CNOT6L: variants seen among roughly 807,000 people sequenced by gnomAD.
The protein encoded by CNOT6L is CCR4-NOT transcription complex subunit 6-like.
CNOT6L carries 7 observed loss-of-function variants against 64.0 expected under a neutral mutation model. The ratio of observed to expected loss-of-function variants is 0.11; its 90% CI spans 0.06 to 0.21. The LOEUF (loss-of-function observed/expected upper bound fraction) is 0.21, where lower values mean the gene tolerates loss of function less well. CNOT6L is among the 10% of genes least tolerant of loss of function. The pLI is 1.00. For synonymous variants in CNOT6L, 193 were observed against 243.4 expected (o/e 0.79, Z 1.93); for missense variants, 245 against 669.0 (o/e 0.37, Z 6.99).
chr4:77,724,300 T>C lies in CNOT6L; in HGVS notation c.1455+1867A>G, dbSNP rs932237706. ...AGGAGGGTGAAGCTGCAGTGAGTCA[T>C]GATTGTGCCACTCTAGGTGACAGAG... On this transcript the variant is annotated intron_variant, in intron 11 of 11. Transcript: ENST00000504123. 2.0e-5 allele frequency among the ~76,000 whole-genome samples: 3 copies of C among 149,490 alleles called. No individual in the cohort carries two copies. The East Asian group carries it at 5.9e-4, about 30-fold the overall frequency.
At chr4:77,741,956 T>C (rs1160211888) in intron 8 of CNOT6L, among the ~76,000 whole-genome samples, 185 bp downstream of exon 8, 1 of 152,174 alleles carries the variant, frequency 6.6e-6, no homozygotes, top group African/African-American at 2.4e-5. Flanking sequence ...TAAGGAATAA[T>C]ACAATAAATA....
At chr4:77,788,591 G>C (rs1202602181) in intron 1 of CNOT6L, among the ~76,000 whole-genome samples, 1 of 152,086 alleles carries the variant, frequency 6.6e-6, no homozygotes, top group African/African-American at 2.4e-5. Flanking sequence ...AGCCGGACGT[G>C]GTGGCATGTG....
chr4:77,797,089 G>A (rs1730930343), intron 1 of CNOT6L, among the ~76,000 whole-genome samples: 2 of 84,308 alleles, frequency 2.4e-5, no homozygotes, highest in Non-Finnish European at 4.2e-5. Context: ...CCTGACAGAG[G>A]AAGACCTTGT....
intron 4 of CNOT6L, among the ~76,000 whole-genome samples, chr4:77,764,894 G>A (rs1365243374): frequency 6.6e-6 from 1 of 152,158 alleles, no homozygotes; most frequent in Non-Finnish European, 1.5e-5. Context: ...TCTTATAAAA[G>A]GGAGCAGAGA....
chr4:77,798,481 A>G (rs1459717949), intron 1 of CNOT6L, among the ~76,000 whole-genome samples: 1 of 152,216 alleles, frequency 6.6e-6, no homozygotes, highest in Non-Finnish European at 1.5e-5. Context: ...TTCACCAAAG[A>G]AGATATATTG....
chr4:77,757,095 A>T (rs1299089763), intron 4 of CNOT6L, 144 bp from the exon 5 acceptor site: 2 of 447,420 alleles, frequency 4.5e-6, no homozygotes, highest in East Asian at 6.8e-5. Context: ...ATATACATTT[A>T]AAAATGTATG....
At position 77,715,866 on chromosome 4, in the gene CNOT6L, T is replaced by C. The variant is rs1004455340; in HGVS notation, c.*4565A>G. On this transcript the variant is annotated 3_prime_UTR_variant, in exon 12 of 12. Coordinates refer to ENST00000504123, the MANE Select transcript of CNOT6L (RefSeq NM_144571.3). ...GTTCTTAAACAGATTAGAACTTTGG[T>C]AAATAAGACAGATTAAAGATGTACT... is the stretch of plus-strand genomic sequence containing the variant. 4 of 152,562 alleles carry C rather than the reference T, an allele frequency of 2.6e-5. No homozygotes were observed. Among genetic ancestry groups the C allele is most frequent in the Non-Finnish European group, 4.4e-5 (3 of 67,998 alleles). The allele number at this position is 152,562 out of a possible 1,614,324, so 9.5% of individuals were successfully genotyped here.
At chr4:77,769,156 A>G (rs1342345919) in intron 4 of CNOT6L, among the ~76,000 whole-genome samples, 1 of 152,236 alleles carries the variant, frequency 6.6e-6, no homozygotes, top group Non-Finnish European at 1.5e-5. Flanking sequence ...CTGAATAAAA[A>G]CCAAGTCATA....
chr4:77,750,618 G>A (rs1470151321), intron 5 of CNOT6L, among the ~76,000 whole-genome samples: 3 of 152,180 alleles, frequency 2.0e-5, no homozygotes, highest in Non-Finnish European at 1.5e-5. Flanking sequence ...CTCCCAAAGT[G>A]CTGGGATTAC....
rs535979654 is a variant in CNOT6L, at chr4:77,739,269, A to G, written c.872+2872T>C. On this transcript the variant is annotated intron_variant, in intron 8 of 11. Transcript: ENST00000504123. The stretch of plus-strand genomic sequence containing the variant: ...CAGTCATCAGTGAAGATGAGGAATT[A>G]TCAGATACTCTGATTACAGAAGAAA... 9.8e-5 allele frequency among the ~76,000 whole-genome samples: 15 copies of G among 152,348 alleles called. No individual in the cohort carries two copies. The South Asian group carries it at 2.9e-3, about 29-fold the overall frequency.
chr4:77,767,340 G>A (rs1352016304), intron 4 of CNOT6L, among the ~76,000 whole-genome samples: 1 of 152,048 alleles, frequency 6.6e-6, no homozygotes, highest in East Asian at 1.9e-4. Context: ...AACTTAACAA[G>A]CTGTTTCTTA....
chr4:77,817,341 G>A (rs139467113), intron 1 of CNOT6L, among the ~76,000 whole-genome samples: 7 of 152,154 alleles, frequency 4.6e-5, no homozygotes, highest in East Asian at 1.9e-4. Context: ...TTTGTATACT[G>A]AAGGGCTCTG....
intron 4 of CNOT6L, among the ~76,000 whole-genome samples, chr4:77,770,680 C>G (rs550155171): frequency 1.3e-5 from 2 of 152,292 alleles, no homozygotes; most frequent in South Asian, 2.1e-4. Flanking sequence ...AGTTACAGTT[C>G]GTGAAGCAGA....
chr4:77,729,184 T>A, intron 9 of CNOT6L, 103 bp from the exon 10 acceptor site: 1 of 786,552 alleles, frequency 1.3e-6, no homozygotes, highest in South Asian at 1.7e-5. Context: ...ACTTCTTTAC[T>A]CTTTTCCATG....
chr4:77,814,477 T>C (rs1177792549), intron 1 of CNOT6L, among the ~76,000 whole-genome samples: 1 of 152,154 alleles, frequency 6.6e-6, no homozygotes, highest in Non-Finnish European at 1.5e-5. Context: ...ACAGTTTATA[T>C]CATATTGACT....
At chr4:77,726,481 G>A in intron 10 of CNOT6L, 112 bp from the exon 11 acceptor site, 1 of 776,108 alleles carries the variant, frequency 1.3e-6, no homozygotes, top group Non-Finnish European at 2.0e-6. Flanking sequence ...GTCTTCTTAG[G>A]TTGAGCCATA....
chr4:77,754,104 A>G (rs1249167094), intron 5 of CNOT6L, among the ~76,000 whole-genome samples: 3 of 152,178 alleles, frequency 2.0e-5, no homozygotes, highest in Non-Finnish European at 4.4e-5. Flanking sequence ...AGGATTAGAA[A>G]TGGAGTAATA....
rs913095208 is a variant in CNOT6L at position 77,717,691 on chromosome 4, G to C, written c.*2740C>G. ...TAACAAGACAATGCTGAGGAAAGCAGCATTTCTGATCATCTGAATTGGCAG... is the reference window on the plus strand; with the variant it reads ...TAACAAGACAATGCTGAGGAAAGCACCATTTCTGATCATCTGAATTGGCAG... On this transcript the variant is annotated 3_prime_UTR_variant, in exon 12 of 12. Coordinates refer to ENST00000504123, the MANE Select transcript of CNOT6L (RefSeq NM_144571.3). The C allele has an allele frequency of 6.6e-6, 1 of 152,514 alleles. No individual in the cohort carries two copies. The highest frequency in any genetic ancestry group is 1.5e-5 in the Non-Finnish European group (1 of 68,030). 9.4% of individuals were successfully genotyped at this position (152,514 alleles called of 1,614,324 possible). A position where few individuals can be genotyped will look rare whatever the true frequency, so the allele number is the denominator to read the frequency against.
intron 1 of CNOT6L, among the ~76,000 whole-genome samples, chr4:77,778,841 G>C (rs548027825): frequency 1.3e-5 from 2 of 151,412 alleles, no homozygotes; most frequent in South Asian, 4.2e-4. Context: ...TCAGGAGATC[G>C]AGACCATCCT....
Sources: allele counts gnomAD v4.1 joint callset (sites outside exome capture counted in the v4.1 genomes callset), GRCh38; gene constraint gnomAD v4.1.1; transcripts MANE v1.5; gene names NCBI Gene and HGNC (gene_info 2026-07-23, HGNC 2026-07-21).